The following XRN1 variants were observed in gnomAD, a reference collection of about 807,000 sequenced individuals.
The protein encoded by XRN1 is strand-exchange protein 1 homolog.
In XRN1, 67 loss-of-function variants were observed where a neutral mutation model predicts 222.3. The observed-to-expected ratio is 0.30, with a 90% CI of 0.25 to 0.37. The LOEUF (loss-of-function observed/expected upper bound fraction) is 0.37, where lower values mean the gene tolerates loss of function less well. Ranked by LOEUF, XRN1 falls within the 10% of genes least tolerant of loss-of-function variation. The probability of loss-of-function intolerance (pLI) is 1.00; values close to 1 mark genes in which losing one functional copy is unlikely to be tolerated. For synonymous variants in XRN1, 643 were observed against 652.4 expected (o/e 0.99, Z 0.22); for missense variants, 1,707 against 2,000.2 (o/e 0.85, Z 2.80).
At chr3:142,429,303 C>A (rs2069413573) in intron 2 of XRN1, among the ~76,000 whole-genome samples, 1 of 151,938 alleles carries the variant, frequency 6.6e-6, no homozygotes. Context: ...ACCACCACCA[C>A]ACCTGGCTAA....
intron 31 of XRN1, 114 bp from the exon 32 acceptor site, chr3:142,355,610 A>C: frequency 1.5e-6 from 1 of 666,444 alleles, no homozygotes; most frequent in Non-Finnish European, 2.3e-6. Context: ...AGGATATTAA[A>C]CCTTTTTTTT....
intron 27 of XRN1, among the ~76,000 whole-genome samples, chr3:142,367,989 C>T (rs879847126): frequency 1.3e-5 from 2 of 150,498 alleles, no homozygotes; most frequent in African/African-American, 2.4e-5. Flanking sequence ...GACAAATTAA[C>T]AGGTTTAAGA....
At chr3:142,435,276 T>G (rs1158895947) in intron 1 of XRN1, 1 of 152,006 alleles carries the variant, frequency 6.6e-6, no homozygotes, top group Non-Finnish European at 1.5e-5. Flanking sequence ...CAGGTGCCTA[T>G]AGTCTCAGCT....
At chr3:142,429,388 T>C (rs188394531) in intron 2 of XRN1, among the ~76,000 whole-genome samples, 59 of 152,184 alleles carry the variant, frequency 3.9e-4, no homozygotes, top group African/African-American at 1.4e-3. Context: ...GACCTTGTGA[T>C]CCACCCGCCT....
intron 27 of XRN1, among the ~76,000 whole-genome samples, chr3:142,367,711 A>C (rs2066863608): frequency 6.6e-6 from 1 of 151,610 alleles, no homozygotes; most frequent in South Asian, 2.1e-4. Flanking sequence ...ATGCCTGTCT[A>C]ATTTTTTTAT....
At chr3:142,377,838 A>C (rs1248042515) in intron 23 of XRN1, among the ~76,000 whole-genome samples, 2 of 152,174 alleles carry the variant, frequency 1.3e-5, no homozygotes, top group East Asian at 3.8e-4. Flanking sequence ...ATGAAGGAAC[A>C]CAAGTTATTT....
chr3:142,380,695 C>T (rs2067276479), intron 22 of XRN1, among the ~76,000 whole-genome samples: 1 of 151,920 alleles, frequency 6.6e-6, no homozygotes, highest in Non-Finnish European at 1.5e-5. Context: ...GCTCTGTCAT[C>T]TAGGCTGGAG....
At chr3:142,394,699 G>A (rs1463884539) in intron 20 of XRN1, among the ~76,000 whole-genome samples, 1 of 152,116 alleles carries the variant, frequency 6.6e-6, no homozygotes, top group Non-Finnish European at 1.5e-5. Flanking sequence ...TTCCATCTTA[G>A]AATTTATTGT....
At position 142,365,072 on chromosome 3, in the gene XRN1, T is replaced by C. The variant is rs1156824484; in HGVS notation, c.3369A>G (p.Arg1123=). 6 of 1,613,220 alleles carry C rather than the reference T, an allele frequency of 3.7e-6. No individual in the cohort carries two copies. The African/African-American group carries it at 8.0e-5, about 22-fold the overall frequency. The change falls in exon 29 of 41, where the codon CGA becomes CGG. Residue 1123 remains arginine, a synonymous_variant. Coordinates refer to ENST00000392981, the MANE Select transcript of XRN1 (RefSeq NM_001282857.2). ...CTCCTTTTATTCCTATGATGGTGCC[T>C]CGAAGGCCAACTGGAACTGAGAAGT... is the stretch of plus-strand genomic sequence containing the variant. ...RENFSVPVGL[R]GTIIGIKGAN... is the part of the protein sequence containing the mutation.
At chr3:142,342,211 C>T (rs1425732753) in intron 33 of XRN1, among the ~76,000 whole-genome samples, 1 of 152,052 alleles carries the variant, frequency 6.6e-6, no homozygotes, top group Non-Finnish European at 1.5e-5. Context: ...ACAATAGCTA[C>T]AGATAAAACT....
At chr3:142,404,041 T>TA in intron 16 of XRN1, 52 bp from the exon 17 acceptor site, 1 of 1,426,480 alleles carries the variant, frequency 7.0e-7, no homozygotes, top group Non-Finnish European at 9.7e-7. Context: ...TACAAACAAT[T>TA]ACAGTTTTTT....
At chr3:142,317,310 G>T (rs1407607332) in intron 39 of XRN1, among the ~76,000 whole-genome samples, 2 of 152,020 alleles carry the variant, frequency 1.3e-5, no homozygotes, top group African/African-American at 4.8e-5. Flanking sequence ...CTCTAATAAG[G>T]TGGGAGCTGG....
rs765059404 is a variant in XRN1, at chr3:142,357,019, C to T, written c.3565G>A (p.Val1189Ile). The change falls in exon 31 of 41, where the codon GTA becomes ATA. Residue 1189 changes from valine (V) to isoleucine (I), a missense_variant. Physicochemically the swap from Val to Ile is conservative, Grantham distance 29. Transcript: ENST00000392981. ...TGATGTACAGCTGGTTGTGGTTTTA[C>T]GATGGCTGTCAACTTCTGATTTCCA... Reference protein sequence around the residue: ...ETGNQKLTAIVKPQPAVHQHS... With the variant: ...ETGNQKLTAIIKPQPAVHQHS... 1.2e-5 allele frequency: 19 copies of T among 1,613,974 alleles called. No homozygotes were observed. Among genetic ancestry groups the T allele is most frequent in the Admixed American group, 1.7e-5 (1 of 60,004 alleles).
intron 30 of XRN1, among the ~76,000 whole-genome samples, chr3:142,359,010 G>A (rs1172668675): frequency 5.3e-5 from 8 of 152,104 alleles, no homozygotes; most frequent in Admixed American, 5.2e-4. Context: ...AGGGAAGTAT[G>A]TATATATCTT....
rs558962785 is a variant in XRN1 at position 142,405,177 on chromosome 3, T to C, written c.1714-101A>G. 5 of 1,253,946 alleles carry C rather than the reference T, an allele frequency of 4.0e-6. No individual in the cohort carries two copies. In the East Asian group the frequency reaches 1.2e-4, roughly 30 times the overall value. 77.7% of individuals were successfully genotyped at this position (1,253,946 alleles called of 1,614,324 possible). A position where few individuals can be genotyped will look rare whatever the true frequency, so the allele number is the denominator to read the frequency against. On this transcript the variant is annotated intron_variant, in intron 15 of 40. Coordinates refer to ENST00000392981, the MANE Select transcript of XRN1 (RefSeq NM_001282857.2). ...CCTCCATATACAGAATAACCATTTG[T>C]GCTCTTGAAAAACAAAAAACCAAAA...
chr3:142,420,687 A>C (rs2068991584), intron 10 of XRN1, among the ~76,000 whole-genome samples: 1 of 152,098 alleles, frequency 6.6e-6, no homozygotes, highest in African/African-American at 2.4e-5. Flanking sequence ...AATTGTTTTT[A>C]ATAACATGTT....
At position 142,385,975 on chromosome 3, in the gene XRN1, T is replaced by C. The variant is rs555757967; in HGVS notation, c.2340-1290A>G. Among the ~76,000 whole-genome samples, 29 of 151,306 alleles carry C rather than the reference T, an allele frequency of 1.9e-4. 1 individual carries two copies. The South Asian group carries it at 5.6e-3, about 29-fold the overall frequency. ...TATAATATAGACTATATAAATAGCA[T>C]ATAATATAGTATATAATTATATAAC... On this transcript the variant is annotated intron_variant, in intron 20 of 40. Coordinates refer to ENST00000392981, the MANE Select transcript of XRN1 (RefSeq NM_001282857.2).
In XRN1 at chr3:142,335,506, T is replaced by G; in HGVS notation, c.3881A>C (p.Lys1294Thr). 1 of 1,613,136 alleles carries G rather than the reference T, an allele frequency of 6.2e-7. No individual in the cohort carries two copies. The change falls in exon 34 of 41, where the codon AAA becomes ACA. Residue 1294 changes from lysine to threonine, a missense_variant. Physicochemically the swap from Lys to Thr is moderately conservative, Grantham distance 78. Transcript: ENST00000392981. ...QRKHDPHRKFKEECKSPKAEC... is the reference protein window; with the variant it reads ...QRKHDPHRKFTEECKSPKAEC... ...AGCTTTAGGACTCTTACACTCTTCTTTAACTAGAGACAAGAAAACAGAAAT... is the reference window on the plus strand; with the variant it reads ...AGCTTTAGGACTCTTACACTCTTCTGTAACTAGAGACAAGAAAACAGAAAT...
intron 1 of XRN1, among the ~76,000 whole-genome samples, chr3:142,443,057 T>C (rs765927869): frequency 6.6e-6 from 1 of 152,142 alleles, no homozygotes; most frequent in Non-Finnish European, 1.5e-5. Context: ...TTAACCTCCT[T>C]GTTAAGTTTG....
Sources: gnomAD v4.1 joint callset for allele counts (sites outside exome capture counted in the v4.1 genomes callset) on GRCh38, gnomAD v4.1.1 for gene constraint, MANE v1.5 for transcripts, NCBI Gene and HGNC (gene_info 2026-07-23, HGNC 2026-07-21) for gene names.